SYTL3: variants seen among roughly 807,000 people sequenced by gnomAD.
The protein encoded by SYTL3 is synaptotagmin like 3, also known as synaptotagmin-like protein 3.
SYTL3 carries 88 observed loss-of-function variants against 82.1 expected under a neutral mutation model. That is an observed-to-expected ratio of 1.07 (90% CI 0.90 to 1.28). SYTL3 has a LOEUF of 1.28. Ranked by LOEUF, SYTL3 falls within the 50% of genes most tolerant of loss-of-function variation. The probability of loss-of-function intolerance (pLI) is 0.00; values close to 1 mark genes in which losing one functional copy is unlikely to be tolerated. For synonymous variants in SYTL3, 311 were observed against 289.4 expected, an observed-to-expected ratio of 1.07 and a Z score of -0.76; for missense variants, 831 against 757.6, an observed-to-expected ratio of 1.10 and a Z score of -1.14.
chr6:158,686,671 A>G (rs1779328121), intron 6 of SYTL3, among the ~76,000 whole-genome samples: 2 of 152,230 alleles, frequency 1.3e-5, no homozygotes, highest in Admixed American at 1.3e-4. Context: ...TGCAGCAGTT[A>G]AGATCCACTT....
intron 2 of SYTL3, among the ~76,000 whole-genome samples, chr6:158,653,783 A>T (rs866764640): frequency 6.4e-4 from 98 of 152,330 alleles, no homozygotes; most frequent in Middle Eastern, 6.8e-3. Context: ...TGACAGTCAC[A>T]TTCACACGCA....
intron 11 of SYTL3, among the ~76,000 whole-genome samples, chr6:158,739,622 G>T (rs1786667429): frequency 6.6e-6 from 1 of 151,740 alleles, no homozygotes; most frequent in Admixed American, 6.6e-5. Context: ...TGAGATGGGG[G>T]TCTCATTCTG....
chr6:158,674,119 A>AATAATAATAATAATG (rs544841096), intron 5 of SYTL3, among the ~76,000 whole-genome samples: 1,467 of 141,388 alleles, frequency 0.01, 27 homozygotes, highest in African/African-American at 0.038. Context: ...TAATAATAAT[A>AATAATAATAATAATG]ATGATGATGA....
At chr6:158,655,307 G>A (rs68040757) in intron 2 of SYTL3, among the ~76,000 whole-genome samples, 1 of 151,942 alleles carries the variant, frequency 6.6e-6, no homozygotes, top group Non-Finnish European at 1.5e-5. Context: ...ACTTGAATAT[G>A]GGCTTCCTGC....
At chr6:158,720,057 C>T (rs189918812) in intron 10 of SYTL3, among the ~76,000 whole-genome samples, 2 of 152,136 alleles carry the variant, frequency 1.3e-5, no homozygotes, top group Non-Finnish European at 2.9e-5. Flanking sequence ...CCACTGCACT[C>T]CAGCCTGGGT....
intron 11 of SYTL3, among the ~76,000 whole-genome samples, chr6:158,732,666 A>C (rs565334511): frequency 6.6e-6 from 1 of 152,206 alleles, no homozygotes; most frequent in African/African-American, 2.4e-5. Flanking sequence ...CGTGTCTCCA[A>C]TGACGAAGGA....
intron 2 of SYTL3, among the ~76,000 whole-genome samples, chr6:158,661,027 C>A (rs944605975): frequency 4.6e-5 from 7 of 152,136 alleles, no homozygotes; most frequent in African/African-American, 1.7e-4. Context: ...TGCACTCCAG[C>A]CTGGGTGACA....
chr6:158,663,463 T>G, intron 4 of SYTL3, 85 bp downstream of exon 4: 1 of 1,551,568 alleles, frequency 6.4e-7, no homozygotes, highest in Middle Eastern at 2.3e-4. Context: ...TGCTGTTTGC[T>G]TACAAATCAC....
At chr6:158,697,838 T>C (rs1180852654) in intron 6 of SYTL3, among the ~76,000 whole-genome samples, 2 of 152,326 alleles carry the variant, frequency 1.3e-5, no homozygotes, top group East Asian at 1.9e-4. Context: ...GTCTGCCTGA[T>C]AGGACATGGG....
chr6:158,761,991 T>A (rs1479543712), intron 15 of SYTL3, 85 bp from the exon 16 acceptor site: 6 of 931,866 alleles, frequency 6.4e-6, no homozygotes, highest in Non-Finnish European at 1.0e-5. Context: ...ATTCTCTAGC[T>A]GAGCTCTCGG....
intron 11 of SYTL3, among the ~76,000 whole-genome samples, chr6:158,742,052 G>A (rs529295665): frequency 3.9e-5 from 6 of 152,246 alleles, no homozygotes; most frequent in African/African-American, 1.2e-4. Context: ...TGGATGTTGC[G>A]GATTGTCTTT....
chr6:158,686,124 C>T (rs2128412768), intron 6 of SYTL3, among the ~76,000 whole-genome samples: 1 of 151,806 alleles, frequency 6.6e-6, no homozygotes, highest in Middle Eastern at 3.4e-3. Flanking sequence ...CACTTCATGT[C>T]TCCTGAGTGA....
chr6:158,665,529 G>T lies in SYTL3; in HGVS notation c.245G>T (p.Gly82Val), dbSNP rs757977639. The part of the protein sequence containing the change: ...FLLHRGAVCR[G>V]CSHRVCAQCR... ...CTGCACCGGGGCGCCGTGTGCCGGG[G>T]CTGCAGCCACCGCGTGTGTGCCCAG... Residue 82 changes from glycine (G) to valine (V), a missense_variant, in exon 5 of 18, where the codon GGC (glycine) becomes GTC (valine). Physicochemically the swap from Gly to Val is moderately radical, Grantham distance 109. Transcript: ENST00000611299. 5.0e-6 allele frequency: 8 copies of T among 1,591,448 alleles called. No homozygotes were observed. Among genetic ancestry groups the T allele is most frequent in the Non-Finnish European group, 6.8e-6 (8 of 1,169,822 alleles).
At chr6:158,651,124 C>T (rs1787957515) in intron 1 of SYTL3, among the ~76,000 whole-genome samples, 2 of 152,140 alleles carry the variant, frequency 1.3e-5, no homozygotes, top group Admixed American at 1.3e-4. Context: ...GACTCACTCT[C>T]CTCATCTGTA....
intron 14 of SYTL3, among the ~76,000 whole-genome samples, chr6:158,759,350 C>T (rs1225396022): frequency 2.6e-5 from 4 of 151,628 alleles, no homozygotes. Context: ...CTGGAGGCAG[C>T]CATACCTCAT....
At chr6:158,741,451 A>G (rs73018256) in intron 11 of SYTL3, among the ~76,000 whole-genome samples, 30,291 of 152,124 alleles carry the variant, frequency 0.2, 3,540 homozygotes, top group Non-Finnish European at 0.27. Context: ...CTGTTGATCA[A>G]TGCTGGCTGC....
intron 6 of SYTL3, among the ~76,000 whole-genome samples, chr6:158,705,877 C>T (rs1782031183): frequency 6.6e-6 from 1 of 152,112 alleles, no homozygotes; most frequent in Non-Finnish European, 1.5e-5. Context: ...AGCTGTCTCC[C>T]AGGTCTGTGC....
chr6:158,753,350 G>C (rs910552488), intron 13 of SYTL3, among the ~76,000 whole-genome samples: 1 of 151,886 alleles, frequency 6.6e-6, no homozygotes, highest in Non-Finnish European at 1.5e-5. Flanking sequence ...CCCAAATGCT[G>C]AGATTACAGG....
chr6:158,676,704 T>C (rs1778075109), intron 5 of SYTL3, among the ~76,000 whole-genome samples: 1 of 151,850 alleles, frequency 6.6e-6, no homozygotes, highest in Admixed American at 6.6e-5. Context: ...CAAACAAATT[T>C]ACAAGAAAAA....
Sources: gnomAD v4.1 joint callset for allele counts (sites outside exome capture counted in the v4.1 genomes callset) on GRCh38, gnomAD v4.1.1 for gene constraint, MANE v1.5 for transcripts, NCBI Gene and HGNC (gene_info 2026-07-23, HGNC 2026-07-21) for gene names.